Variants in CDC14A observed in about 807,000 individuals in gnomAD.
The protein encoded by CDC14A is dual specificity protein phosphatase CDC14A.
In CDC14A, 53 loss-of-function variants were observed where a neutral mutation model predicts 74.4. The ratio of observed to expected loss-of-function variants is 0.71; its 90% CI spans 0.57 to 0.89. The LOEUF is 0.89. Among genes scored for constraint, CDC14A ranks in the 40% least tolerant of loss-of-function variants. The pLI, the probability that CDC14A is intolerant of heterozygous loss-of-function variation, is 0.00. For missense variants in CDC14A, 646 were observed against 713.7 expected (o/e 0.91, Z 1.08); for synonymous variants, 247 against 258.4 (o/e 0.96, Z 0.43).
chr1:100,511,451 C>T (rs1381583624), intron 15 of CDC14A, among the ~76,000 whole-genome samples: 2 of 152,192 alleles, frequency 1.3e-5, no homozygotes, highest in Admixed American at 6.5e-5. Context: ...TACTCCTAAG[C>T]CTGCCCCTTA....
chr1:100,376,897 A>G (rs1655339606), intron 2 of CDC14A, among the ~76,000 whole-genome samples: 1 of 152,222 alleles, frequency 6.6e-6, no homozygotes. Flanking sequence ...TATGATAAAG[A>G]AATAAAAGCA....
intron 8 of CDC14A, among the ~76,000 whole-genome samples, chr1:100,461,489 A>T (rs1170778204): frequency 6.6e-6 from 1 of 152,192 alleles, no homozygotes; most frequent in Non-Finnish European, 1.5e-5. Flanking sequence ...GTTCCAACTG[A>T]GATAATTGCA....
At chr1:100,364,519 C>G (rs1653299998) in intron 2 of CDC14A, among the ~76,000 whole-genome samples, 1 of 152,142 alleles carries the variant, frequency 6.6e-6, no homozygotes, top group Admixed American at 6.5e-5. Context: ...CCCTGTGATC[C>G]TCACCACAAA....
At chr1:100,422,924 C>T (rs1662531915) in intron 4 of CDC14A, among the ~76,000 whole-genome samples, 1 of 151,952 alleles carries the variant, frequency 6.6e-6, no homozygotes, top group Non-Finnish European at 1.5e-5. Context: ...TAGAGGAAAA[C>T]CCTACTGTTA....
chr1:100,352,322 G>T (rs1366452243), upstream of CDC14A: 2 of 345,018 alleles, frequency 5.8e-6, no homozygotes, highest in African/African-American at 4.4e-5. Context: ...AGTGACCCGC[G>T]GGGCGCCTGG....
At chr1:100,489,942 A>G (rs954853023) in intron 11 of CDC14A, among the ~76,000 whole-genome samples, 1 of 152,220 alleles carries the variant, frequency 6.6e-6, no homozygotes, top group South Asian at 2.1e-4. Flanking sequence ...TAAGGGCAGA[A>G]TGGAGGCCCA....
intron 1 of CDC14A, among the ~76,000 whole-genome samples, chr1:100,353,348 A>AC (rs1651391189): frequency 6.6e-6 from 1 of 151,392 alleles, no homozygotes; most frequent in Admixed American, 6.6e-5. Context: ...TTTTCGGGAC[A>AC]CCCCCAACCA....
chr1:100,348,239 G>A (rs991810762), upstream of CDC14A, among the ~76,000 whole-genome samples: 6 of 143,238 alleles, frequency 4.2e-5, no homozygotes, highest in East Asian at 1.0e-3. Flanking sequence ...CCAAGATTGT[G>A]CCACTGCACT....
At chr1:100,351,973 A>AGTGTGT (rs35169146), upstream of CDC14A, among the ~76,000 whole-genome samples, 1,521 of 146,152 alleles carry the variant, frequency 0.01, 12 homozygotes, top group African/African-American at 0.029. Context: ...GGTTTTTACG[A>AGTGTGT]GTGTGTGTGT....
intron 1 of CDC14A, among the ~76,000 whole-genome samples, chr1:100,346,257 G>A (rs576920092): frequency 8.5e-5 from 13 of 152,280 alleles, no homozygotes; most frequent in African/African-American, 2.9e-4. Flanking sequence ...TGGCTATGGT[G>A]GTGATGGCTG....
intron 2 of CDC14A, among the ~76,000 whole-genome samples, chr1:100,358,279 G>A (rs537372808): frequency 9.8e-5 from 15 of 152,310 alleles, no homozygotes; most frequent in East Asian, 1.9e-4. Context: ...ATTGGGCCCC[G>A]TAATCCAAAC....
At chr1:100,393,077 G>T in intron 4 of CDC14A, 1 of 1,429,370 alleles carries the variant, frequency 7.0e-7, no homozygotes, top group South Asian at 1.2e-5. Flanking sequence ...TTTCCATGTT[G>T]CTGTTTAATT....
In CDC14A at chr1:100,400,227, A is replaced by G. The variant is rs149423720; in HGVS notation, c.309+9403A>G. ...TTTTGTTTTTGTTTTTATTGTTTGG[A>G]CCAAGTATATTATTTTGCTTATATT... On this transcript the variant is annotated intron_variant, in intron 4 of 15. Transcript: ENST00000336454. Among the ~76,000 whole-genome samples the G allele has an allele frequency of 7.6e-3, 1,160 of 152,324 alleles. 14 individuals are homozygous for G. The highest frequency in any genetic ancestry group is 0.027 in the African/African-American group (1,109 of 41,566).
intron 3 of CDC14A, among the ~76,000 whole-genome samples, chr1:100,389,515 C>G (rs1198134870): frequency 2.0e-5 from 3 of 151,428 alleles, no homozygotes; most frequent in Non-Finnish European, 4.4e-5. Flanking sequence ...AAAGAAATGC[C>G]TGACTTGGAG....
chr1:100,466,950 G>C (rs2988395), intron 9 of CDC14A, among the ~76,000 whole-genome samples: 9,487 of 150,946 alleles, frequency 0.063, 838 homozygotes, highest in African/African-American at 0.2. Context: ...TGTTTTAGTG[G>C]GATGAAAAAC....
intron 4 of CDC14A, among the ~76,000 whole-genome samples, chr1:100,421,649 C>A (rs766123334): frequency 6.6e-6 from 1 of 152,138 alleles, no homozygotes; most frequent in Non-Finnish European, 1.5e-5. Flanking sequence ...AGAGTGGAAA[C>A]CTTTTTTCCA....
chr1:100,462,868 C>G lies in CDC14A; in HGVS notation c.825C>G (p.Ala275=). 6.2e-7 allele frequency: 1 copy of G among 1,613,488 alleles called. No individual in the cohort carries two copies. The highest frequency in any genetic ancestry group is 8.5e-7 in the Non-Finnish European group (1 of 1,179,702). Residue 275 remains alanine (A), a synonymous_variant, in exon 9 of 16, where the codon GCC becomes GCG. Coordinates refer to ENST00000336454, the MANE Select transcript of CDC14A (RefSeq NM_003672.4). ...GTGAGAACACCGAAGGGGCCATCGC[C>G]GTTCACTGCAAAGGTGTGTGCAAGG... is the stretch of plus-strand genomic sequence containing the variant. ...NICENTEGAI[A]VHCKAGLGRT... is the part of the protein sequence containing the mutation.
chr1:100,510,710 C>G (rs369192560), intron 15 of CDC14A, among the ~76,000 whole-genome samples: 1 of 152,312 alleles, frequency 6.6e-6, no homozygotes, highest in South Asian at 2.1e-4. Flanking sequence ...TGTTCCTCAT[C>G]TCTCTCCTGT....
At chr1:100,351,195 A>G (rs1650941973), upstream of CDC14A, among the ~76,000 whole-genome samples, 1 of 151,132 alleles carries the variant, frequency 6.6e-6, no homozygotes, top group South Asian at 2.1e-4. Context: ...CCCTGTCTAA[A>G]ACAAAACACA....
Sources: gnomAD v4.1 joint callset for allele counts (sites outside exome capture counted in the v4.1 genomes callset) on GRCh38, gnomAD v4.1.1 for gene constraint, MANE v1.5 for transcripts, NCBI Gene and HGNC (gene_info 2026-07-23, HGNC 2026-07-21) for gene names.